NOTCH3: variants seen among roughly 807,000 people sequenced by gnomAD.
NOTCH3 encodes neurogenic locus notch homolog protein 3.
Under a neutral mutation model 213.3 loss-of-function variants are expected in NOTCH3, and 86 were observed. That is an observed-to-expected ratio of 0.40 (90% CI 0.34 to 0.48). NOTCH3 has a LOEUF of 0.48. Among genes scored for constraint, NOTCH3 ranks in the 20% least tolerant of loss-of-function variants. NOTCH3 has a pLI of 0.57. For missense variants in NOTCH3, 2,783 were observed against 3,272.6 expected (o/e 0.85, Z 3.65); for synonymous variants, 1,354 against 1,355.9 (o/e 1.00, Z 0.03).
At chr19:15,173,076 T>TCCA (rs2046750826) in intron 25 of NOTCH3, among the ~76,000 whole-genome samples, 1 of 33,222 alleles carries the variant, frequency 3.0e-5, no homozygotes, top group Non-Finnish European at 5.4e-5. Flanking sequence ...TTCTTCTTCT[T>TCCA]CTTCTTCTTC....
At position 15,188,236 on chromosome 19, in the gene NOTCH3, C is replaced by T; in HGVS notation, c.1491G>A (p.Ser497=). 3 of 1,591,428 alleles carry T rather than the reference C, an allele frequency of 1.9e-6. No homozygotes were observed. The highest frequency in any genetic ancestry group is 1.1e-5 in the South Asian group (1 of 87,926). ...GGCTCCCTCTCCTGAGGTCCTCACC[C>T]GAGGGGCAGGTGCAGCTGAAGCCAT... ...RVNGFSCTCP[S]GFSGSTCQLD... The change falls in exon 9 of 33, where the codon TCG becomes TCA. Residue 497 remains serine (S), a splice_region_variant and synonymous_variant. Coordinates refer to ENST00000263388, the MANE Select transcript of NOTCH3 (RefSeq NM_000435.3).
Position 15,188,352 on chromosome 19 carries a change from G to A in NOTCH3, c.1379-4C>T, listed in dbSNP as rs1451397639. The stretch of plus-strand genomic sequence containing the variant: ...TCGCAATAGGTTCCTGTGAAGCCTG[G>A]GGCAGGGAATAGGGCTTAGGAAAGC... On this transcript the variant is annotated splice_region_variant and splice_polypyrimidine_tract_variant and intron_variant, in intron 8 of 32. Transcript: ENST00000263388. 2 of 1,589,080 alleles carry A rather than the reference G, an allele frequency of 1.3e-6. No individual in the cohort carries two copies. The highest frequency in any genetic ancestry group is 1.7e-6 in the Non-Finnish European group (2 of 1,163,556).
intron 24 of NOTCH3, among the ~76,000 whole-genome samples, chr19:15,176,625 C>T (rs901394978): frequency 5.3e-5 from 8 of 151,692 alleles, no homozygotes; most frequent in South Asian, 2.1e-4. Flanking sequence ...TACCCGGGCG[C>T]GGTGGCTCAC....
In NOTCH3 at chr19:15,192,514, G is replaced by A. The variant is rs146810942; in HGVS notation, c.203C>T (p.Pro68Leu). ...LPSREAACLC[P>L]PGWVGERCQL... Reference sequence around the variant, plus strand: ...ACACCGCTCACCCACCCAGCCAGGCGGGCACCTGTGGGCAGAGATGGCTTG... The same window carrying A: ...ACACCGCTCACCCACCCAGCCAGGCAGGCACCTGTGGGCAGAGATGGCTTG... Residue 68 changes from proline (P) to leucine (L), a missense_variant, in exon 3 of 33, where the codon CCG becomes CTG. Pro to Leu is a moderately conservative substitution (Grantham distance 98, BLOSUM62 -3). This residue lies in a region of NOTCH3 where 708 missense variants were observed against 906.6 expected (regional missense o/e 0.78). Coordinates refer to ENST00000263388, the MANE Select transcript of NOTCH3 (RefSeq NM_000435.3). The A allele has an allele frequency of 2.0e-4, 317 of 1,580,732 alleles. 2 individuals carry two copies. The highest frequency in any genetic ancestry group is 1.7e-3 in the Middle Eastern group (10 of 6,032).
chr19:15,179,611 G>C, intron 20 of NOTCH3, 115 bp from the exon 21 acceptor site: 1 of 1,144,494 alleles, frequency 8.7e-7, no homozygotes, highest in Non-Finnish European at 1.3e-6. Flanking sequence ...GATGTTCAGC[G>C]CACTACCAGT....
intron 24 of NOTCH3, 77 bp downstream of exon 24, chr19:15,177,448 A>G (rs2145414088): frequency 7.3e-7 from 1 of 1,373,698 alleles, no homozygotes; most frequent in Non-Finnish European, 1.0e-6. Flanking sequence ...GGCAGGTGGA[A>G]AGAGAGGCAG....
rs369079257 is a variant in NOTCH3 at position 15,165,860 on chromosome 19, G to A, written c.5594C>T (p.Thr1865Ile). Residue 1865 changes from threonine (T) to isoleucine (I), a missense_variant, in exon 30 of 33, where the codon ACC becomes ATC. Transcript: ENST00000263388. This position sits in a 1 kb window ranked among gnomAD's most constrained non-coding sequence, Gnocchi z 4.7. ...GCGGCCTGAGTGGTCCTGGGCATTG[G>A]TGTCTGCCCCAGCATCCAGCAGCCG... ...AKRLLDAGAD[T>I]NAQDHSGRTP... 3 of 1,614,058 alleles carry A rather than the reference G, an allele frequency of 1.9e-6. No individual in the cohort carries two copies. The highest frequency in any genetic ancestry group is 2.5e-6 in the Non-Finnish European group (3 of 1,180,010).
chr19:15,181,872 T>C, intron 16 of NOTCH3, 71 bp from the exon 17 acceptor site: 1 of 1,320,138 alleles, frequency 7.6e-7, no homozygotes, highest in Non-Finnish European at 1.1e-6. Context: ...GGGATATGCC[T>C]TGGATTGAGA....
intron 22 of NOTCH3, 40 bp downstream of exon 22, chr19:15,178,985 A>G: frequency 6.2e-7 from 1 of 1,614,150 alleles, no homozygotes; most frequent in Non-Finnish European, 8.5e-7. Flanking sequence ...TGGGGGAATG[A>G]CAGGCGGGGT....
intron 6 of NOTCH3, among the ~76,000 whole-genome samples, chr19:15,189,812 C>G (rs1599392557): frequency 6.6e-6 from 1 of 152,162 alleles, no homozygotes; most frequent in Non-Finnish European, 1.5e-5. Flanking sequence ...AGCCACCGCG[C>G]CCGGCCTGTT....
intron 3 of NOTCH3, 35 bp downstream of exon 3, chr19:15,192,342 C>T (rs2046936261): frequency 6.2e-7 from 1 of 1,612,718 alleles, no homozygotes; most frequent in East Asian, 2.2e-5. Context: ...GACCACACCC[C>T]CGACTACCTC....
At position 15,160,543 on chromosome 19, in the gene NOTCH3, G is replaced by A. The variant is rs911436583; in HGVS notation, c.*119C>T. 2 of 877,792 alleles carry A rather than the reference G, an allele frequency of 2.3e-6. No individual in the cohort carries two copies. The highest frequency in any genetic ancestry group is 4.8e-5 in the East Asian group (2 of 41,580). 54.4% of individuals were successfully genotyped at this position (877,792 alleles called of 1,614,324 possible). A position where few individuals can be genotyped will look rare whatever the true frequency, so the allele number is the denominator to read the frequency against. ...GTCACGCTGCAAGGCAAGGATGCAGGAGGGTTGGTGGAAAGAGAAGAGGAT... is the reference window on the plus strand; with the variant it reads ...GTCACGCTGCAAGGCAAGGATGCAGAAGGGTTGGTGGAAAGAGAAGAGGAT... On this transcript the variant is annotated 3_prime_UTR_variant, in exon 33 of 33. Transcript: ENST00000263388.
At position 15,185,546 on chromosome 19, in the gene NOTCH3, C is replaced by T. The variant is rs758126818; in HGVS notation, c.2085G>A (p.Pro695=). The change falls in exon 13 of 33, where the codon CCG becomes CCA. Residue 695 remains proline (P), a synonymous_variant. Transcript: ENST00000263388. This position sits in a 1 kb window ranked among gnomAD's most constrained non-coding sequence, Gnocchi z 4.2. ...AGGGCTCATGGGCACAGGGATGGCT[C>T]GGGGGGAGGCAGAGTGGGGGCAAGG... The part of the protein sequence containing the change: ...PGSLPPLCLP[P]SHPCAHEPCS... The T allele has an allele frequency of 9.9e-6, 16 of 1,611,462 alleles. No individual in the cohort carries two copies. The highest frequency in any genetic ancestry group is 1.7e-4 in the Middle Eastern group (1 of 6,042).
Position 15,185,641 on chromosome 19 carries a change from T to A in NOTCH3, c.1990A>T (p.Ser664Cys), listed in dbSNP as rs1350049644. 1 of 1,613,542 alleles carries A rather than the reference T, an allele frequency of 6.2e-7. No individual in the cohort carries two copies. The highest frequency in any genetic ancestry group is 8.5e-7 in the Non-Finnish European group (1 of 1,179,992). The change falls in exon 13 of 33, where the codon AGC becomes TGC. Residue 664 changes from serine (S) to cysteine (C), a missense_variant. Ser to Cys is a moderately radical substitution (Grantham distance 112). Transcript: ENST00000263388. The surrounding 1 kb of genome is among the most constrained non-coding windows in gnomAD (Gnocchi z 4.2). Reference sequence around the variant, plus strand: ...CAGGAACCTCCCTCGCCGCATGGGCTGGAAGCACACTCATTGATCTCCACG... The same window carrying A: ...CAGGAACCTCCCTCGCCGCATGGGCAGGAAGCACACTCATTGATCTCCACG... ...CNVEINECAS[S>C]PCGEGGSCVD...
chr19:15,165,118 T>C lies in NOTCH3; in HGVS notation c.5815+250A>G, dbSNP rs1344681803. On this transcript the variant is annotated intron_variant, in intron 31 of 32. Transcript: ENST00000263388. This position sits in a 1 kb window ranked among gnomAD's most constrained non-coding sequence, Gnocchi z 4.7. ...TATAATAACTTCCAGCAGGTGGAAG[T>C]ACAGTGTGTCCGTCTAACAAAGCAG... Among the ~76,000 whole-genome samples, 15 of 152,096 alleles carry C rather than the reference T, an allele frequency of 9.9e-5. No homozygotes were observed. Among genetic ancestry groups the C allele is most frequent in the Admixed American group, 9.8e-4 (15 of 15,264 alleles).
In NOTCH3 at chr19:15,180,382, G is replaced by T. The variant is rs1455097876; in HGVS notation, c.3143-126C>A. 5 of 1,075,834 alleles carry T rather than the reference G, an allele frequency of 4.6e-6. No individual in the cohort carries two copies. The South Asian group carries it at 5.3e-5, about 11-fold the overall frequency. The allele number at this position is 1,075,834 out of a possible 1,614,324, so 66.6% of individuals were successfully genotyped here. On this transcript the variant is annotated intron_variant, in intron 19 of 32. Coordinates refer to ENST00000263388, the MANE Select transcript of NOTCH3 (RefSeq NM_000435.3). ...CAGGATCGCACCCACACTCCATCAG[G>T]TTGTCACACATCCCCCCAGCAGGCA...
intron 2 of NOTCH3, 58 bp downstream of exon 2, chr19:15,197,442 C>CGCCCCCCCCCCCCCCCCCCCCCCA: frequency 1.6e-6 from 1 of 620,836 alleles, no homozygotes; most frequent in Non-Finnish European, 3.1e-6. Context: ...AGACAAATCG[C>CGCCCCCCCCCCCCCCCCCCCCCCA]CCCTCCCCCC....
At position 15,167,235 on chromosome 19, in the gene NOTCH3, G is replaced by A. The variant is rs757831549; in HGVS notation, c.5362+14C>T. ...GGTGAGGGGCATCCCTTTGGGAGGGGCACTGTCACTAACCTGGGCCACGCA... is the reference window on the plus strand; with the variant it reads ...GGTGAGGGGCATCCCTTTGGGAGGGACACTGTCACTAACCTGGGCCACGCA... On this transcript the variant is annotated intron_variant, in intron 29 of 32. Transcript: ENST00000263388. 8 of 1,606,942 alleles carry A rather than the reference G, an allele frequency of 5.0e-6. No individual in the cohort carries two copies. The highest frequency in any genetic ancestry group is 1.1e-5 in the South Asian group (1 of 90,972).
chr19:15,178,833 T>C lies in NOTCH3; in HGVS notation c.3827A>G (p.His1276Arg). The change falls in exon 23 of 33, where the codon CAC becomes CGC. Residue 1276 changes from histidine (H) to arginine (R), a missense_variant. Transcript: ENST00000263388. Reference protein sequence around the residue: ...GPGGGLTFTCHCAQPFWGPRC... With the variant: ...GPGGGLTFTCRCAQPFWGPRC... ...GCCACCCACACCTACCTGGGCACAG[T>C]GACAGGTGAAGGTCAGCCCACCCCC... 1 of 1,595,274 alleles carries C rather than the reference T, an allele frequency of 6.3e-7. No individual in the cohort carries two copies. The highest frequency in any genetic ancestry group is 2.3e-5 in the East Asian group (1 of 44,208).
Sources: allele counts gnomAD v4.1 joint callset (sites outside exome capture counted in the v4.1 genomes callset), GRCh38; gene constraint gnomAD v4.1.1; regional missense constraint gnomAD v4.1.1; non-coding constraint Gnocchi (gnomAD v3.1); transcripts MANE v1.5; gene names NCBI Gene and HGNC (gene_info 2026-07-23, HGNC 2026-07-21).